KRT84: variants seen among roughly 807,000 people sequenced by gnomAD.
The protein encoded by KRT84 is keratin 84, also known as keratin, type II cuticular Hb4.
A neutral mutation model predicts 49.0 loss-of-function variants in KRT84; 38 were observed. The observed-to-expected ratio is 0.78, with a 90% CI of 0.60 to 1.02. The LOEUF (loss-of-function observed/expected upper bound fraction) is 1.02, where lower values mean the gene tolerates loss of function less well. Among genes scored for constraint, KRT84 ranks in the 50% least tolerant of loss-of-function variants. The pLI, the probability that KRT84 is intolerant of heterozygous loss-of-function variation, is 0.00. For missense variants in KRT84, 860 were observed against 788.6 expected, an observed-to-expected ratio of 1.09 and a Z score of -1.08; for synonymous variants, 334 against 312.8, an observed-to-expected ratio of 1.07 and a Z score of -0.72.
chr12:52,378,488 G>T, intron 8 of KRT84, 108 bp from the exon 9 acceptor site: 1 of 829,658 alleles, frequency 1.2e-6, no homozygotes, highest in Non-Finnish European at 1.8e-6. Context: ...TGGGGTCAGG[G>T]TTGTGGCATC....
At chr12:52,380,978 G>C (rs1024837242) in intron 6 of KRT84, 102 bp downstream of exon 6, 6 of 1,464,852 alleles carry the variant, frequency 4.1e-6, no homozygotes, top group Admixed American at 4.3e-5. Flanking sequence ...CTTGGTTTCT[G>C]GGTCTTGATG....
chr12:52,382,529 C>T lies in KRT84; in HGVS notation c.820G>A (p.Val274Met). 1 of 1,612,022 alleles carries T rather than the reference C, an allele frequency of 6.2e-7. No individual in the cohort carries two copies. Among genetic ancestry groups the T allele is most frequent in the African/African-American group, 1.3e-5 (1 of 75,006 alleles). Residue 274 changes from valine to methionine, a missense_variant, in exon 4 of 9, where the codon GTG becomes ATG. By Grantham distance (21) the Val-to-Met change is conservative. Coordinates refer to ENST00000257951, the MANE Select transcript of KRT84 (RefSeq NM_033045.4). ...GACTTGTTCATGAAAGCTGCATCCA[C>T]ATCCTGTATAAAACAGAGAAGGATA... is the stretch of plus-strand genomic sequence containing the variant. ...ENEFVALKKD[V>M]DAAFMNKSDL... is the part of the protein sequence containing the mutation.
At chr12:52,380,655 C>T in intron 6 of KRT84, 72 bp from the exon 7 acceptor site, 2 of 1,438,022 alleles carry the variant, frequency 1.4e-6, no homozygotes, top group South Asian at 1.3e-5. Context: ...AGAAACACGG[C>T]CCCTCTTAGT....
In KRT84 at chr12:52,385,368, A is replaced by C. The variant is rs772582771; in HGVS notation, c.218T>G (p.Ile73Ser). The C allele has an allele frequency of 2.0e-5, 32 of 1,614,154 alleles. No homozygotes were observed. In the Admixed American group the frequency reaches 5.2e-4, roughly 26 times the overall value. ...PRIAAVGSRPIHCGVRFGAGC... is the reference protein window; with the variant it reads ...PRIAAVGSRPSHCGVRFGAGC... ...AGCACCAAAGCGGACTCCACAGTGG[A>C]TGGGCCGAGAGCCTACAGCTGCTAT... The change falls in exon 1 of 9, where the codon ATC (isoleucine) becomes AGC (serine). Residue 73 changes from isoleucine to serine, a missense_variant. Physicochemically the swap from Ile to Ser is moderately radical, Grantham distance 142 (BLOSUM62 -2). Transcript: ENST00000257951.
intron 2 of KRT84, 87 bp from the exon 3 acceptor site, chr12:52,383,152 T>G: frequency 1.1e-5 from 12 of 1,077,960 alleles, no homozygotes; most frequent in Non-Finnish European, 1.7e-5. Flanking sequence ...GCAAGATCTC[T>G]CAGTCTGTGC....
Position 52,382,445 on chromosome 12 carries a change from A to G in KRT84, c.904T>C (p.Tyr302His), listed in dbSNP as rs1939498482. ...TQEIDFLKTL[Y>H]MEEIQLLQSH... Reference sequence around the variant, plus strand: ...AGAAGATGAACCCTCACCTCCATGTAAAGCGTTTTTAGAAAGTCAATTTCC... The same window carrying G: ...AGAAGATGAACCCTCACCTCCATGTGAAGCGTTTTTAGAAAGTCAATTTCC... The change falls in exon 4 of 9, where the codon TAC becomes CAC. Residue 302 changes from tyrosine to histidine, a missense_variant. By Grantham distance (83) the Tyr-to-His change is moderately conservative. Transcript: ENST00000257951. The G allele has an allele frequency of 1.2e-6, 2 of 1,612,278 alleles. No homozygotes were observed. Among genetic ancestry groups the G allele is most frequent in the South Asian group, 1.1e-5 (1 of 91,026 alleles).
chr12:52,385,473 C>G lies in KRT84; in HGVS notation c.113G>C (p.Cys38Ser). Reference protein sequence around the residue: ...LNRFRANSVSCWSGPGFRGLG... With the variant: ...LNRFRANSVSSWSGPGFRGLG... ...GCCCCGGAATCCAGGCCCACTCCAA[C>G]AGGAGACAGAGTTGGCCCGGAAGCG... The change falls in exon 1 of 9, where the codon TGT becomes TCT. Residue 38 changes from cysteine to serine, a missense_variant. Coordinates refer to ENST00000257951, the MANE Select transcript of KRT84 (RefSeq NM_033045.4). 6.2e-7 allele frequency: 1 copy of G among 1,614,244 alleles called. No individual in the cohort carries two copies. The highest frequency in any genetic ancestry group is 8.5e-7 in the Non-Finnish European group (1 of 1,180,046).
Position 52,382,551 on chromosome 12 carries a change from G to A in KRT84, c.817-19C>T. 6.3e-7 allele frequency: 1 copy of A among 1,590,348 alleles called. No individual in the cohort carries two copies. Among genetic ancestry groups the A allele is most frequent in the Non-Finnish European group, 8.6e-7 (1 of 1,158,508 alleles). Reference sequence around the variant, plus strand: ...CCACATCCTGTATAAAACAGAGAAGGATAAATACTCATCGCCTGGGCACTG... The same window carrying A: ...CCACATCCTGTATAAAACAGAGAAGAATAAATACTCATCGCCTGGGCACTG... On this transcript the variant is annotated intron_variant, in intron 3 of 8. Coordinates refer to ENST00000257951, the MANE Select transcript of KRT84 (RefSeq NM_033045.4).
At position 52,378,293 on chromosome 12, in the gene KRT84, G is replaced by A; in HGVS notation, c.1544C>T (p.Ser515Leu). The change falls in exon 9 of 9, where the codon TCA becomes TTA. Residue 515 changes from serine to leucine, a missense_variant. Ser to Leu is a moderately radical substitution (Grantham distance 145). Coordinates refer to ENST00000257951, the MANE Select transcript of KRT84 (RefSeq NM_033045.4). Reference sequence around the variant, plus strand: ...GGTGGCACAGACGCTGCTGCTACCTGAGAAGGTGACCCCGCCGCGGGAGAG... The same window carrying A: ...GGTGGCACAGACGCTGCTGCTACCTAAGAAGGTGACCCCGCCGCGGGAGAG... ...STLSRGGVTF[S>L]GSSSVCATSG... The A allele has an allele frequency of 6.5e-7, 1 of 1,544,292 alleles. No individual in the cohort carries two copies. Among genetic ancestry groups the A allele is most frequent in the Non-Finnish European group, 8.7e-7 (1 of 1,146,744 alleles).
chr12:52,378,723 T>G (rs1165783450), intron 8 of KRT84, among the ~76,000 whole-genome samples: 2 of 152,250 alleles, frequency 1.3e-5, no homozygotes, highest in Non-Finnish European at 2.9e-5. Context: ...TCCAGACAGC[T>G]GGAACAGCAG....
Position 52,378,279 on chromosome 12 carries a change from C to A in KRT84, c.1558G>T (p.Val520Phe), listed in dbSNP as rs201058386. The A allele has an allele frequency of 7.7e-6, 12 of 1,548,820 alleles. No individual in the cohort carries two copies. Among genetic ancestry groups the A allele is most frequent in the East Asian group, 2.4e-5 (1 of 41,278 alleles). ...GCCAGGACCCCACTGGTGGCACAGA[C>A]GCTGCTGCTACCTGAGAAGGTGACC... ...GGVTFSGSSS[V>F]CATSGVLASC... The change falls in exon 9 of 9, where the codon GTC (valine) becomes TTC (phenylalanine). Residue 520 changes from valine to phenylalanine, a missense_variant. By Grantham distance (50) the Val-to-Phe change is conservative (BLOSUM62 -1). Coordinates refer to ENST00000257951, the MANE Select transcript of KRT84 (RefSeq NM_033045.4).
At position 52,381,595 on chromosome 12, in the gene KRT84, G is replaced by A. The variant is rs1939486781; in HGVS notation, c.913-70C>T. The A allele has an allele frequency of 7.3e-6, 11 of 1,508,628 alleles. No individual in the cohort carries two copies. The Admixed American group carries it at 1.8e-4, about 25-fold the overall frequency. 93.5% of individuals were successfully genotyped at this position (1,508,628 alleles called of 1,614,324 possible). A position where few individuals can be genotyped will look rare whatever the true frequency, so the allele number is the denominator to read the frequency against. On this transcript the variant is annotated intron_variant, in intron 4 of 8. Transcript: ENST00000257951. ...TAGTAGCTGGGACTCTGCCACAGGG[G>A]GCCCAGGAAGTGGTGCCAGGGGCAG...
intron 8 of KRT84, among the ~76,000 whole-genome samples, chr12:52,379,343 G>C (rs1939439926): frequency 6.6e-6 from 1 of 152,234 alleles, no homozygotes; most frequent in African/African-American, 2.4e-5. Context: ...TGGTGGCTAG[G>C]ACTCATCTTC....
At position 52,381,209 on chromosome 12, in the gene KRT84, C is replaced by T. The variant is rs883712; in HGVS notation, c.1078-4G>A. ...CTGTCACCTGCATCTCTTCATACTGCGGAGAGAGGAGGGTATTTTGAGGGT... is the reference window on the plus strand; with the variant it reads ...CTGTCACCTGCATCTCTTCATACTGTGGAGAGAGGAGGGTATTTTGAGGGT... On this transcript the variant is annotated splice_region_variant and splice_polypyrimidine_tract_variant and intron_variant, in intron 5 of 8. Transcript: ENST00000257951. The T allele has an allele frequency of 1.3e-3, 2,059 of 1,613,828 alleles. 1 individual carries two copies. Among genetic ancestry groups the T allele is most frequent in the Non-Finnish European group, 1.5e-3 (1,787 of 1,179,906 alleles).
chr12:52,386,238 T>C (rs982238534), upstream of KRT84, among the ~76,000 whole-genome samples: 3 of 152,204 alleles, frequency 2.0e-5, no homozygotes, highest in African/African-American at 7.2e-5. Flanking sequence ...TGGGCTAGTG[T>C]AGACACATCT....
rs754250960 is a variant in KRT84, at chr12:52,381,218, G to A, written c.1078-13C>T. On this transcript the variant is annotated splice_polypyrimidine_tract_variant and intron_variant, in intron 5 of 8. Coordinates refer to ENST00000257951, the MANE Select transcript of KRT84 (RefSeq NM_033045.4). ...GCATCTCTTCATACTGCGGAGAGAGGAGGGTATTTTGAGGGTTCGGAGGTC... is the reference window on the plus strand; with the variant it reads ...GCATCTCTTCATACTGCGGAGAGAGAAGGGTATTTTGAGGGTTCGGAGGTC... 3.1e-6 allele frequency: 5 copies of A among 1,614,048 alleles called. No homozygotes were observed. Among genetic ancestry groups the A allele is most frequent in the Middle Eastern group, 1.6e-4 (1 of 6,062 alleles).
chr12:52,381,062 C>T lies in KRT84; in HGVS notation c.1203+18G>A. On this transcript the variant is annotated intron_variant, in intron 6 of 8. Transcript: ENST00000257951. ...GGTTCTCCCTCATCTGAGGCTTTCC[C>T]TCCTTTCCTTTGCCCACCTGAGCCT... 1 of 1,612,938 alleles carries T rather than the reference C, an allele frequency of 6.2e-7. No homozygotes were observed. Among genetic ancestry groups the T allele is most frequent in the Non-Finnish European group, 8.5e-7 (1 of 1,179,214 alleles).
Position 52,380,260 on chromosome 12 carries a change from A to G in KRT84, c.1424+103T>C, listed in dbSNP as rs890071847. On this transcript the variant is annotated intron_variant, in intron 7 of 8. Transcript: ENST00000257951. ...TGCAGAGAAGGTATTGTCATCTTTA[A>G]AGACTATGTATTTCTGCAGTTCTTC... 4 of 1,367,210 alleles carry G rather than the reference A, an allele frequency of 2.9e-6. No individual in the cohort carries two copies. The African/African-American group carries it at 4.4e-5, about 15-fold the overall frequency. 84.7% of individuals were successfully genotyped at this position (1,367,210 alleles called of 1,614,324 possible). A position where few individuals can be genotyped will look rare whatever the true frequency, so the allele number is the denominator to read the frequency against.
At position 52,380,532 on chromosome 12, in the gene KRT84, TCGCCTC is replaced by T; in HGVS notation, c.1249_1254del (p.Glu417_Ala418del). 1 of 1,613,978 alleles carries T rather than the reference TCGCCTC, an allele frequency of 6.2e-7. No individual in the cohort carries two copies. The highest frequency in any genetic ancestry group is 8.5e-7 in the Non-Finnish European group (1 of 1,179,910). On this transcript the variant is annotated inframe_deletion, in exon 7 of 9. Coordinates refer to ENST00000257951, the MANE Select transcript of KRT84 (RefSeq NM_033045.4). ...AGCTTGCATTTGGCATCACTGAGGGTCGCCTCGCCCTGCTGCTCGGCCTCGGCCACT... is the reference window on the plus strand; with the variant it reads ...AGCTTGCATTTGGCATCACTGAGGGTGCCCTGCTGCTCGGCCTCGGCCACT...
Sources: gnomAD v4.1 joint callset for allele counts (sites outside exome capture counted in the v4.1 genomes callset) on GRCh38, gnomAD v4.1.1 for gene constraint, MANE v1.5 for transcripts, NCBI Gene and HGNC (gene_info 2026-07-23, HGNC 2026-07-21) for gene names.